The following CDC25B variants were observed in gnomAD, a reference collection of about 807,000 sequenced individuals.
CDC25B encodes the protein M-phase inducer phosphatase 2.
In CDC25B, 33 loss-of-function variants were observed where a neutral mutation model predicts 69.8. That is an observed-to-expected ratio of 0.47 (90% CI 0.36 to 0.63). The LOEUF (loss-of-function observed/expected upper bound fraction) is 0.63, where lower values mean the gene tolerates loss of function less well. CDC25B is among the 30% of genes least tolerant of loss of function. CDC25B has a pLI of 0.00. For synonymous variants in CDC25B, 341 were observed against 314.6 expected, an observed-to-expected ratio of 1.08 and a Z score of -0.89; for missense variants, 727 against 809.1, an observed-to-expected ratio of 0.90 and a Z score of 1.23.
rs547890760 is a variant in CDC25B, at chr20:3,804,574, G to A, written c.1496G>A (p.Arg499His). The change falls in exon 15 of 16, where the codon CGT (arginine) becomes CAT (histidine). Residue 499 changes from arginine (R) to histidine (H), a missense_variant. Physicochemically the swap from Arg to His is conservative, Grantham distance 29. Coordinates refer to ENST00000245960, the MANE Select transcript of CDC25B (RefSeq NM_021873.4). ...FSSERGPRMCRFIRERDRAVN... is the reference protein window; with the variant it reads ...FSSERGPRMCHFIRERDRAVN... ...CCCTGCCCATGACGCCCCAGGTGCC[G>A]TTTCATCAGGGAACGAGACCGTGCT... The A allele has an allele frequency of 9.3e-6, 15 of 1,611,844 alleles. No individual in the cohort carries two copies. The highest frequency in any genetic ancestry group is 3.3e-5 in the Admixed American group (2 of 59,992).
intron 11 of CDC25B, chr20:3,802,649 C>G (rs1051131261): frequency 3.3e-6 from 2 of 600,694 alleles, no homozygotes; most frequent in Admixed American, 5.9e-5. Flanking sequence ...GCCTCACCTT[C>G]GGGCTTGGCA....
chr20:3,797,575 C>G lies in CDC25B; in HGVS notation c.201-47C>G, dbSNP rs920971025. On this transcript the variant is annotated intron_variant, in intron 1 of 15. Coordinates refer to ENST00000245960, the MANE Select transcript of CDC25B (RefSeq NM_021873.4). ...GAACGTGGGCTAGCCAGGCCTTGAG[C>G]CCCACGTTTACCTTTCTCCTTTCCC... 1.4e-5 allele frequency: 22 copies of G among 1,607,948 alleles called. 1 individual carries two copies. The highest frequency in any genetic ancestry group is 1.1e-4 in the African/African-American group (8 of 74,844).
intron 1 of CDC25B, among the ~76,000 whole-genome samples, chr20:3,787,515 C>G (rs2088845442): frequency 6.6e-6 from 1 of 152,196 alleles, no homozygotes; most frequent in Admixed American, 6.5e-5. Context: ...GTGTCACTTT[C>G]TGGGCTTTTC....
chr20:3,794,515 G>GT (rs34263628), upstream of CDC25B, among the ~76,000 whole-genome samples: 5 of 149,050 alleles, frequency 3.4e-5, no homozygotes, highest in Non-Finnish European at 5.9e-5. Flanking sequence ...TCTCGGGGCA[G>GT]TTTTTTTTTT....
At chr20:3,793,205 C>T (rs375792654), upstream of CDC25B, among the ~76,000 whole-genome samples, 1 of 152,156 alleles carries the variant, frequency 6.6e-6, no homozygotes, top group Non-Finnish European at 1.5e-5. Flanking sequence ...CGCCTGTAAT[C>T]CTAGCACTTT....
intron 2 of CDC25B, 58 bp downstream of exon 2, chr20:3,797,807 G>A (rs2089119533): frequency 2.5e-6 from 4 of 1,595,584 alleles, no homozygotes; most frequent in Non-Finnish European, 3.4e-6. Flanking sequence ...TGTGGGGGCT[G>A]CCTGGGCCTC....
At chr20:3,788,697 C>T (rs1600372003) in intron 1 of CDC25B, among the ~76,000 whole-genome samples, 1 of 152,186 alleles carries the variant, frequency 6.6e-6, no homozygotes, top group African/African-American at 2.4e-5. Flanking sequence ...ATGAGAACTC[C>T]TTGCCATGCA....
intron 1 of CDC25B, among the ~76,000 whole-genome samples, chr20:3,788,558 C>T (rs1025695404): frequency 6.6e-6 from 1 of 152,172 alleles, no homozygotes; most frequent in African/African-American, 2.4e-5. Flanking sequence ...ACTTCCCTAT[C>T]CCTGAGATAT....
Position 3,797,679 on chromosome 20 carries a change from G to A in CDC25B, c.258G>A (p.Thr86=), listed in dbSNP as rs771162983. 17 of 1,614,088 alleles carry A rather than the reference G, an allele frequency of 1.1e-5. 1 individual carries two copies. Among genetic ancestry groups the A allele is most frequent in the South Asian group, 9.9e-5 (9 of 91,088 alleles). ...TCTTCCGCAGCCGCAGCCGCCTGAC[G>A]CACCTATCCCTGTCTCGACGGGCAT... ...TLLFRSRSRL[T]HLSLSRRASE... is the part of the protein sequence containing the mutation. Residue 86 remains threonine, a synonymous_variant, in exon 2 of 16, where the codon ACG becomes ACA. Coordinates refer to ENST00000245960, the MANE Select transcript of CDC25B (RefSeq NM_021873.4).
At position 3,803,240 on chromosome 20, in the gene CDC25B, T is replaced by A; in HGVS notation, c.1356+34T>A. On this transcript the variant is annotated intron_variant, in intron 13 of 15. Transcript: ENST00000245960. This position sits in a 1 kb window ranked among gnomAD's most constrained non-coding sequence, Gnocchi z 4.9. The stretch of plus-strand genomic sequence containing the variant: ...GGGCAATGGGGAGAGGCCCTGAAGA[T>A]CCCACCTGGTTTAGGTCCTTGCTTT... 1 of 1,585,104 alleles carries A rather than the reference T, an allele frequency of 6.3e-7. No homozygotes were observed. Among genetic ancestry groups the A allele is most frequent in the South Asian group, 1.1e-5 (1 of 89,786 alleles).
At chr20:3,801,217 C>A (rs1274311132) in intron 7 of CDC25B, 37 bp from the exon 8 acceptor site, 1 of 1,607,826 alleles carries the variant, frequency 6.2e-7, no homozygotes, top group Admixed American at 1.7e-5. Flanking sequence ...GGAACTATCT[C>A]CACCTCTAAG....
At position 3,796,614 on chromosome 20, in the gene CDC25B, ACCTCCCGGG is replaced by A; in HGVS notation, c.89_97del (p.Pro30_Leu32del). 6.9e-7 allele frequency: 1 copy of A among 1,441,832 alleles called. No individual in the cohort carries two copies. The highest frequency in any genetic ancestry group is 9.1e-7 in the Non-Finnish European group (1 of 1,101,908). The allele number at this position is 1,441,832 out of a possible 1,614,324, so 89.3% of individuals were successfully genotyped here. On this transcript the variant is annotated inframe_deletion, in exon 1 of 16. Transcript: ENST00000245960. ...TGCGGTGGCGCCCAGCGTCCGGGCC[ACCTCCCGGG>A]CCTCCTGCTGGGATCTCATGGCCTC... is the stretch of plus-strand genomic sequence containing the variant.
At chr20:3,801,686 TG>T in intron 8 of CDC25B, 35 bp from the exon 9 acceptor site, 1 of 1,517,650 alleles carries the variant, frequency 6.6e-7, no homozygotes, top group Non-Finnish European at 8.9e-7. Flanking sequence ...CCTATGCCTG[TG>T]GGTTGTGACC....
Position 3,796,571 on chromosome 20 carries a change from C to T in CDC25B, c.40C>T (p.Leu14Phe). ...PQPEPAPGSA[L>F]SPAGVCGGAQ... Reference sequence around the variant, plus strand: ...GCCGGAGCCCGCGCCAGGCTCGGCTCTCAGTCCAGCAGGCGTGTGCGGTGG... The same window carrying T: ...GCCGGAGCCCGCGCCAGGCTCGGCTTTCAGTCCAGCAGGCGTGTGCGGTGG... The change falls in exon 1 of 16, where the codon CTC (leucine) becomes TTC (phenylalanine). Residue 14 changes from leucine to phenylalanine, a missense_variant. Transcript: ENST00000245960. The T allele has an allele frequency of 6.8e-7, 1 of 1,472,130 alleles. No individual in the cohort carries two copies. Among genetic ancestry groups the T allele is most frequent in the Non-Finnish European group, 8.9e-7 (1 of 1,118,288 alleles). 91.2% of individuals were successfully genotyped at this position (1,472,130 alleles called of 1,614,324 possible). A position where few individuals can be genotyped will look rare whatever the true frequency, so the allele number is the denominator to read the frequency against.
chr20:3,802,471 C>A, intron 11 of CDC25B, 95 bp downstream of exon 11: 1 of 766,156 alleles, frequency 1.3e-6, no homozygotes, highest in South Asian at 1.5e-5. Context: ...CTCCCTTTCT[C>A]CCCGGAGCCC....
chr20:3,796,418 T>TCCG lies in CDC25B; in HGVS notation c.-112_-111insGCC, dbSNP rs2089045395. ...CTGTGGCTCTTCCTCCCTCCCTCCT[T>TCCG]CCCCCCCCCCCCACCCCTCGCCCGC... On this transcript the variant is annotated 5_prime_UTR_variant, in exon 1 of 16. Coordinates refer to ENST00000245960, the MANE Select transcript of CDC25B (RefSeq NM_021873.4). 1 of 145,030 alleles carries TCCG rather than the reference T, an allele frequency of 6.9e-6. No individual in the cohort carries two copies. The highest frequency in any genetic ancestry group is 8.1e-6 in the Non-Finnish European group (1 of 124,002). 9.0% of individuals were successfully genotyped at this position (145,030 alleles called of 1,614,324 possible).
At chr20:3,796,831 G>A (rs771762660) in intron 1 of CDC25B, 100 bp downstream of exon 1, 262 of 1,423,688 alleles carry the variant, frequency 1.8e-4, no homozygotes, top group Non-Finnish European at 2.4e-4. Flanking sequence ...CCAGGAGGTG[G>A]AGTCCGGGGA....
upstream of CDC25B, among the ~76,000 whole-genome samples, chr20:3,794,752 C>G (rs78517638): frequency 1.9e-3 from 290 of 152,294 alleles, no homozygotes; most frequent in Middle Eastern, 6.8e-3. Flanking sequence ...CCACCCCTCT[C>G]AGGTGGGGCT....
chr20:3,794,693 G>A (rs1340895948), upstream of CDC25B, among the ~76,000 whole-genome samples: 1 of 152,184 alleles, frequency 6.6e-6, no homozygotes, highest in Non-Finnish European at 1.5e-5. Flanking sequence ...GCACAGCACA[G>A]GAGCTGGGCA....
Sources: allele counts gnomAD v4.1 joint callset (sites outside exome capture counted in the v4.1 genomes callset), GRCh38; gene constraint gnomAD v4.1.1; non-coding constraint Gnocchi (gnomAD v3.1); transcripts MANE v1.5; gene names NCBI Gene and HGNC (gene_info 2026-07-23, HGNC 2026-07-21).